The following CTNNA3 variants were observed in gnomAD, a reference collection of about 807,000 sequenced individuals.
CTNNA3 encodes catenin alpha 3.
Under a neutral mutation model 95.7 loss-of-function variants are expected in CTNNA3, and 76 were observed. The observed-to-expected ratio is 0.79, with a 90% CI of 0.66 to 0.96. CTNNA3 has a LOEUF of 0.96. CTNNA3 is among the 40% of genes least tolerant of loss of function. CTNNA3 has a pLI of 0.00. For missense variants in CTNNA3, 1,191 were observed against 1,089.8 expected, an observed-to-expected ratio of 1.09 and a Z score of -1.31; for synonymous variants, 431 against 374.4, an observed-to-expected ratio of 1.15 and a Z score of -1.74.
At chr10:66,446,811 G>A (rs1287939387) in intron 11 of CTNNA3, among the ~76,000 whole-genome samples, 2 of 152,050 alleles carry the variant, frequency 1.3e-5, no homozygotes, top group African/African-American at 4.8e-5. Flanking sequence ...CATAGTGTTG[G>A]AAGTTCTGGC....
intron 7 of CTNNA3, among the ~76,000 whole-genome samples, chr10:67,102,782 C>T (rs1158459005): frequency 1.3e-5 from 2 of 151,642 alleles, no homozygotes; most frequent in Admixed American, 6.6e-5. Flanking sequence ...GTTATTATAA[C>T]ACAGCACACT....
chr10:66,063,194 G>GTATATATATA (rs150710369), intron 15 of CTNNA3, among the ~76,000 whole-genome samples: 7 of 119,868 alleles, frequency 5.8e-5, no homozygotes, highest in African/African-American at 2.3e-4. Context: ...CTGGATACAT[G>GTATATATATA]TATATATATA....
intron 9 of CTNNA3, among the ~76,000 whole-genome samples, chr10:66,651,162 T>G (rs2132412913): frequency 6.6e-6 from 1 of 152,240 alleles, no homozygotes; most frequent in East Asian, 1.9e-4. Context: ...AGAGTGCTGA[T>G]CAGTGTGTTT....
intron 5 of CTNNA3, among the ~76,000 whole-genome samples, chr10:67,346,364 C>T (rs1386373261): frequency 6.6e-6 from 1 of 152,116 alleles, no homozygotes; most frequent in Non-Finnish European, 1.5e-5. Flanking sequence ...CATTAATATA[C>T]TTTTCTTTCT....
At chr10:66,686,750 T>C (rs529271759) in intron 9 of CTNNA3, among the ~76,000 whole-genome samples, 23 of 152,178 alleles carry the variant, frequency 1.5e-4, no homozygotes, top group African/African-American at 4.3e-4. Flanking sequence ...ATTAAACCAA[T>C]ATAGTAAAAA....
At chr10:66,975,050 T>G (rs1266006327) in intron 7 of CTNNA3, among the ~76,000 whole-genome samples, 2 of 152,138 alleles carry the variant, frequency 1.3e-5, no homozygotes, top group Non-Finnish European at 2.9e-5. Flanking sequence ...ATCTGGTATT[T>G]TAGACTCCAT....
intron 5 of CTNNA3, among the ~76,000 whole-genome samples, chr10:67,503,952 T>C (rs1049203430): frequency 1.3e-5 from 2 of 151,716 alleles, no homozygotes; most frequent in Non-Finnish European, 2.9e-5. Flanking sequence ...GGTCAGGAGA[T>C]CAAGACCATC....
chr10:66,149,693 T>A (rs887119760), intron 13 of CTNNA3, among the ~76,000 whole-genome samples: 2 of 152,022 alleles, frequency 1.3e-5, no homozygotes, highest in Admixed American at 1.3e-4. Flanking sequence ...GCATTCTTAA[T>A]CATAAGTAAA....
At chr10:67,071,936 A>G (rs1477483006) in intron 7 of CTNNA3, among the ~76,000 whole-genome samples, 1 of 152,056 alleles carries the variant, frequency 6.6e-6, no homozygotes, top group Non-Finnish European at 1.5e-5. Context: ...GTTCAAGAAT[A>G]TGTGTTTGAT....
intron 1 of CTNNA3, among the ~76,000 whole-genome samples, chr10:67,746,071 C>G (rs1271696440): frequency 6.6e-6 from 1 of 152,010 alleles, no homozygotes; most frequent in African/African-American, 2.4e-5. Context: ...ATAGAAAAAA[C>G]AATTCAAAAA....
intron 1 of CTNNA3, among the ~76,000 whole-genome samples, chr10:67,762,203 AGAT>A (rs1564848248): frequency 8.0e-5 from 3 of 37,362 alleles, no homozygotes; most frequent in Non-Finnish European, 3.2e-4. Flanking sequence ...AAAAAAAAAA[AGAT>A]TATTTCACTG....
chr10:66,854,746 T>C (rs1843625522), intron 7 of CTNNA3, among the ~76,000 whole-genome samples: 1 of 151,558 alleles, frequency 6.6e-6, no homozygotes, highest in Non-Finnish European at 1.5e-5. Flanking sequence ...AAATGTCATT[T>C]TTTTTTTTTG....
chr10:67,236,619 A>G (rs1213725091), intron 5 of CTNNA3, among the ~76,000 whole-genome samples: 1 of 151,920 alleles, frequency 6.6e-6, no homozygotes, highest in East Asian at 1.9e-4. Context: ...TATGTAACTA[A>G]CCTGCACATT....
intron 7 of CTNNA3, among the ~76,000 whole-genome samples, chr10:67,139,891 C>T (rs998747925): frequency 1.3e-5 from 2 of 152,068 alleles, no homozygotes; most frequent in Non-Finnish European, 2.9e-5. Context: ...AGAAAGCTTC[C>T]ATTAACTCAA....
intron 11 of CTNNA3, among the ~76,000 whole-genome samples, chr10:66,446,957 G>A (rs985629751): frequency 3.3e-5 from 5 of 151,740 alleles, no homozygotes; most frequent in Admixed American, 3.3e-4. Flanking sequence ...TCCTTAAGCT[G>A]ATAAGCAACT....
chr10:67,145,619 C>T (rs12266997), intron 7 of CTNNA3, among the ~76,000 whole-genome samples: 2,743 of 151,864 alleles, frequency 0.018, 61 homozygotes, highest in African/African-American at 0.063. Flanking sequence ...TTAGTAGAGA[C>T]GGGGTTTCAC....
At chr10:66,352,556 G>T (rs2092574954) in intron 12 of CTNNA3, among the ~76,000 whole-genome samples, 1 of 151,992 alleles carries the variant, frequency 6.6e-6, no homozygotes, top group South Asian at 2.1e-4. Flanking sequence ...AACCCATCTA[G>T]CCTAACACCA....
chr10:66,445,312 C>T (rs1362719276), intron 11 of CTNNA3, among the ~76,000 whole-genome samples: 1 of 152,024 alleles, frequency 6.6e-6, no homozygotes, highest in Non-Finnish European at 1.5e-5. Flanking sequence ...CAGCTCTGCA[C>T]CAAGCAGACC....
At chr10:67,061,959 T>A (rs5785814) in intron 7 of CTNNA3, among the ~76,000 whole-genome samples, 123 of 38,122 alleles carry the variant, frequency 3.2e-3, no homozygotes, top group African/African-American at 0.014. Flanking sequence ...GTAAAAAAAA[T>A]CAATCTTAGG....
Sources: allele counts gnomAD v4.1 joint callset (sites outside exome capture counted in the v4.1 genomes callset), GRCh38; gene constraint gnomAD v4.1.1; transcripts MANE v1.5; gene names NCBI Gene and HGNC (gene_info 2026-07-23, HGNC 2026-07-21).